The following PAK4 variants were observed in gnomAD, a reference collection of about 807,000 sequenced individuals.
PAK4 encodes serine/threonine-protein kinase PAK 4.
Under a neutral mutation model 53.5 loss-of-function variants are expected in PAK4, and 49 were observed. That is an observed-to-expected ratio of 0.92 (90% CI 0.73 to 1.16). The LOEUF is 1.16. PAK4 is among the 50% of genes most tolerant of loss of function. The pLI is 0.00. For synonymous variants in PAK4, 376 were observed against 375.6 expected (o/e 1.00, Z -0.01); for missense variants, 824 against 850.7 (o/e 0.97, Z 0.39).
chr19:39,173,265 T>C lies in PAK4; in HGVS notation c.552T>C (p.Asp184=), dbSNP rs774436695. The C allele has an allele frequency of 6.3e-7, 1 of 1,599,518 alleles. No homozygotes were observed. Among genetic ancestry groups the C allele is most frequent in the South Asian group, 1.1e-5 (1 of 88,558 alleles). Residue 184 remains aspartate, a synonymous_variant, in exon 3 of 9, where the codon GAT becomes GAC. Transcript: ENST00000358301. This position sits in a 1 kb window ranked among gnomAD's most constrained non-coding sequence, Gnocchi z 6.9. ...ACAAACGCCCCCTCTCCGGGCCTGATGTCGGCACCCCCCAGCCTGCTGGTC... is the reference window on the plus strand; with the variant it reads ...ACAAACGCCCCCTCTCCGGGCCTGACGTCGGCACCCCCCAGCCTGCTGGTC...
At chr19:39,156,076 T>A (rs2074174949) in intron 1 of PAK4, among the ~76,000 whole-genome samples, 1 of 152,162 alleles carries the variant, frequency 6.6e-6, no homozygotes, top group Admixed American at 6.5e-5. Context: ...GATGGCGATA[T>A]GGGGGCTTCA....
intron 1 of PAK4, among the ~76,000 whole-genome samples, chr19:39,142,802 C>T (rs965336931): frequency 1.3e-5 from 2 of 152,214 alleles, no homozygotes; most frequent in African/African-American, 4.8e-5. Flanking sequence ...CTTTCCCAGC[C>T]TCTCTACCTG....
intron 1 of PAK4, among the ~76,000 whole-genome samples, chr19:39,167,500 C>T (rs887478023): frequency 2.0e-5 from 3 of 151,978 alleles, no homozygotes; most frequent in African/African-American, 7.3e-5. Context: ...GCACTCAGGG[C>T]GCCAGCATTG....
At chr19:39,151,845 T>C (rs1361870218) in intron 1 of PAK4, among the ~76,000 whole-genome samples, 1 of 152,256 alleles carries the variant, frequency 6.6e-6, no homozygotes, top group African/African-American at 2.4e-5. Flanking sequence ...CTCAGTTCAC[T>C]GCAACCTCCG....
In PAK4 at chr19:39,132,079, C is replaced by G. The variant is rs528562078; in HGVS notation, c.-23+6160C>G. On this transcript the variant is annotated intron_variant, in intron 1 of 8. Coordinates refer to ENST00000358301, the Ensembl canonical transcript of PAK4. ...GTGAGCTGTAATAACCCCAGCCCCCCGCCCGGGGTCCCAGCTCCACGTGCC... is the reference window on the plus strand; with the variant it reads ...GTGAGCTGTAATAACCCCAGCCCCCGGCCCGGGGTCCCAGCTCCACGTGCC... Among the ~76,000 whole-genome samples, 27 of 152,310 alleles carry G rather than the reference C, an allele frequency of 1.8e-4. No individual in the cohort carries two copies. In the East Asian group the frequency reaches 5.2e-3, roughly 29 times the overall value.
Position 39,178,448 on chromosome 19 carries a change from C to T in PAK4, c.1645C>T (p.Leu549=). Reference sequence around the variant, plus strand: ...GGTGTCGCCATCCCTGAAGGGCTTCCTGGACCGCCTGCTGGTGCGAGACCC... The same window carrying T: ...GGTGTCGCCATCCCTGAAGGGCTTCTTGGACCGCCTGCTGGTGCGAGACCC... The change falls in exon 9 of 9, where the codon CTG becomes TTG. Residue 549 remains leucine, a synonymous_variant. Coordinates refer to ENST00000358301, the Ensembl canonical transcript of PAK4. This position sits in a 1 kb window ranked among gnomAD's most constrained non-coding sequence, Gnocchi z 4.4. 6.3e-6 allele frequency: 10 copies of T among 1,595,118 alleles called. No homozygotes were observed. Among genetic ancestry groups the T allele is most frequent in the Non-Finnish European group, 8.5e-6 (10 of 1,171,868 alleles).
At chr19:39,174,136 T>C in intron 4 of PAK4, 126 bp downstream of exon 5, 1 of 659,620 alleles carries the variant, frequency 1.5e-6, no homozygotes, top group Non-Finnish European at 2.6e-6. Flanking sequence ...CCCCTCACTC[T>C]TCTCCCTCCC....
At chr19:39,146,366 G>T (rs1212388052) in intron 1 of PAK4, among the ~76,000 whole-genome samples, 2 of 152,266 alleles carry the variant, frequency 1.3e-5, no homozygotes, top group Non-Finnish European at 2.9e-5. Context: ...GGAGACTTCA[G>T]AGCTGAGGCC....
intron 1 of PAK4, among the ~76,000 whole-genome samples, chr19:39,128,879 A>G (rs567828927): frequency 6.6e-6 from 1 of 152,306 alleles, no homozygotes; most frequent in South Asian, 2.1e-4. Flanking sequence ...GAGAGCTTTG[A>G]AAAGATGCCT....
chr19:39,140,905 T>A (rs893362593), intron 1 of PAK4, among the ~76,000 whole-genome samples: 8 of 152,168 alleles, frequency 5.3e-5, no homozygotes, highest in Non-Finnish European at 5.9e-5. Flanking sequence ...TGTGTGATGC[T>A]CAGAACAGGG....
chr19:39,137,706 AC>A (rs1281016122), intron 1 of PAK4, among the ~76,000 whole-genome samples: 14 of 149,188 alleles, frequency 9.4e-5, no homozygotes, highest in Admixed American at 6.7e-4. Context: ...TCACTCTGTC[AC>A]CCAGGCTGGA....
Position 39,178,954 on chromosome 19 carries a change from G to A in PAK4, c.*375G>A. The A allele has an allele frequency of 6.6e-6, 1 of 151,928 alleles. No individual in the cohort carries two copies. The highest frequency in any genetic ancestry group is 1.3e-5 in the Non-Finnish European group (1 of 74,766). 9.4% of individuals were successfully genotyped at this position (151,928 alleles called of 1,614,324 possible). A position where few individuals can be genotyped will look rare whatever the true frequency, so the allele number is the denominator to read the frequency against. On this transcript the variant is annotated 3_prime_UTR_variant, in exon 9 of 9. Transcript: ENST00000358301. This position sits in a 1 kb window ranked among gnomAD's most constrained non-coding sequence, Gnocchi z 4.4. ...TGTATGAGTGTGTGCACGCGTGTGAGTGTGCATGTGTGTGTGTGCAAAGGT... is the reference window on the plus strand; with the variant it reads ...TGTATGAGTGTGTGCACGCGTGTGAATGTGCATGTGTGTGTGTGCAAAGGT...
intron 1 of PAK4, among the ~76,000 whole-genome samples, chr19:39,159,130 C>G (rs912138815): frequency 6.6e-6 from 1 of 152,102 alleles, no homozygotes; most frequent in African/African-American, 2.4e-5. Context: ...GAGGTTGAGT[C>G]ACTTGTCCAG....
chr19:39,165,192 G>GATAATA (rs74176492), intron 1 of PAK4, among the ~76,000 whole-genome samples: 33,756 of 129,674 alleles, frequency 0.26, 5,260 homozygotes, highest in East Asian at 0.36. Flanking sequence ...TGATGATGAT[G>GATAATA]ATGATAATAA....
At chr19:39,172,176 G>T (rs1220979422) in intron 2 of PAK4, among the ~76,000 whole-genome samples, 7 of 150,866 alleles carry the variant, frequency 4.6e-5, no homozygotes, top group Admixed American at 4.6e-4. Flanking sequence ...CCTGAGAGCT[G>T]ATGTTCCAGG....
chr19:39,127,081 C>T (rs967736442), intron 1 of PAK4, among the ~76,000 whole-genome samples: 3 of 151,994 alleles, frequency 2.0e-5, no homozygotes, highest in Non-Finnish European at 2.9e-5. Context: ...AGGGAAGATT[C>T]CTGTGAGCCT....
chr19:39,128,721 C>T (rs1041660622), intron 1 of PAK4, among the ~76,000 whole-genome samples: 2 of 152,178 alleles, frequency 1.3e-5, no homozygotes, highest in Non-Finnish European at 2.9e-5. Context: ...CCTCACCCCC[C>T]CTCCTCCCTC....
At chr19:39,137,769 C>T (rs984037987) in intron 1 of PAK4, among the ~76,000 whole-genome samples, 5 of 151,520 alleles carry the variant, frequency 3.3e-5, no homozygotes, top group East Asian at 1.9e-4. Flanking sequence ...CGGGTTCAAG[C>T]GATTCTCCTG....
At chr19:39,155,726 C>G (rs2074168876) in intron 1 of PAK4, among the ~76,000 whole-genome samples, 1 of 152,116 alleles carries the variant, frequency 6.6e-6, no homozygotes, top group Non-Finnish European at 1.5e-5. Flanking sequence ...GGCACAGACA[C>G]CGGGACAGAC....
Sources: gnomAD v4.1 joint callset for allele counts (sites outside exome capture counted in the v4.1 genomes callset) on GRCh38, gnomAD v4.1.1 for gene constraint, Gnocchi (gnomAD v3.1) non-coding constraint, MANE v1.5 for transcripts, NCBI Gene and HGNC (gene_info 2026-07-23, HGNC 2026-07-21) for gene names.